Variants in ABCD3 observed in about 807,000 individuals in gnomAD.
The protein encoded by ABCD3 is ATP-binding cassette sub-family D member 3.
A neutral mutation model predicts 105.5 loss-of-function variants in ABCD3; 41 were observed. The ratio of observed to expected loss-of-function variants is 0.39; its 90% CI spans 0.30 to 0.50. The LOEUF is 0.50. Ranked by LOEUF, ABCD3 falls within the 20% of genes least tolerant of loss-of-function variation. ABCD3 has a pLI of 0.84. For missense variants in ABCD3, 622 were observed against 806.3 expected, an observed-to-expected ratio of 0.77 and a Z score of 2.77; for synonymous variants, 258 against 269.0, an observed-to-expected ratio of 0.96 and a Z score of 0.40.
rs1025934327 is a variant in ABCD3, at chr1:94,517,502, A to G, written c.*373A>G. On this transcript the variant is annotated 3_prime_UTR_variant, in exon 23 of 23. Transcript: ENST00000370214. Reference sequence around the variant, plus strand: ...ATCTTTTCCTTCAGTGAAGAACCCTATTTAAAACTGGGTCATCATTTGTCC... The same window carrying G: ...ATCTTTTCCTTCAGTGAAGAACCCTGTTTAAAACTGGGTCATCATTTGTCC... 6 of 251,164 alleles carry G rather than the reference A, an allele frequency of 2.4e-5. No individual in the cohort carries two copies. Among genetic ancestry groups the G allele is most frequent in the African/African-American group, 1.4e-4 (6 of 42,988 alleles). The allele number at this position is 251,164 out of a possible 1,614,324, so 15.6% of individuals were successfully genotyped here.
At chr1:94,419,268 G>A (rs974077559) in intron 1 of ABCD3, 1 of 985,206 alleles carries the variant, frequency 1.0e-6, no homozygotes, top group African/African-American at 1.7e-5. Flanking sequence ...GTCGGACTTA[G>A]AGGGAAATGT....
At chr1:94,435,200 G>GT (rs922989045) in intron 1 of ABCD3, among the ~76,000 whole-genome samples, 3 of 151,716 alleles carry the variant, frequency 2.0e-5, no homozygotes, top group Middle Eastern at 3.4e-3. Flanking sequence ...TTTGAGTTTT[G>GT]TTTTTTTTCC....
In ABCD3 at chr1:94,491,298, A is replaced by G. The variant is rs771455585; in HGVS notation, c.1386+51A>G. The G allele has an allele frequency of 1.1e-5, 14 of 1,329,324 alleles. No homozygotes were observed. In the South Asian group the frequency reaches 1.7e-4, roughly 16 times the overall value. The allele number at this position is 1,329,324 out of a possible 1,614,324, so 82.3% of individuals were successfully genotyped here. On this transcript the variant is annotated intron_variant, in intron 16 of 22. Transcript: ENST00000370214. Reference sequence around the variant, plus strand: ...AGCTTAAATCATCTTTAAAATGTGAACTGAAAAAGATTACCTGAATATTTA... The same window carrying G: ...AGCTTAAATCATCTTTAAAATGTGAGCTGAAAAAGATTACCTGAATATTTA...
chr1:94,483,691 T>C (rs1209358508), intron 10 of ABCD3, among the ~76,000 whole-genome samples: 1 of 152,094 alleles, frequency 6.6e-6, no homozygotes, highest in African/African-American at 2.4e-5. Flanking sequence ...ATAAAAACCC[T>C]AGAAGAAAAC....
chr1:94,415,748 T>C (rs920442018), upstream of ABCD3, among the ~76,000 whole-genome samples: 5 of 152,240 alleles, frequency 3.3e-5, no homozygotes, highest in Non-Finnish European at 5.9e-5. Flanking sequence ...AGGTTTGATA[T>C]TACATACAGA....
chr1:94,458,564 T>C, intron 1 of ABCD3, 43 bp from the exon 2 acceptor site: 2 of 1,565,938 alleles, frequency 1.3e-6, no homozygotes, highest in Non-Finnish European at 1.8e-6. Flanking sequence ...GATAACACTT[T>C]TCACATAAAG....
At chr1:94,451,934 A>T (rs2100941294) in intron 1 of ABCD3, among the ~76,000 whole-genome samples, 1 of 152,292 alleles carries the variant, frequency 6.6e-6, no homozygotes, top group Non-Finnish European at 1.5e-5. Flanking sequence ...GTTAGTTCCC[A>T]ACTCTTATTT....
chr1:94,389,475 G>A, the ABCD3 span, among the ~76,000 whole-genome samples: 1 of 152,228 alleles, frequency 6.6e-6, no homozygotes, highest in Non-Finnish European at 1.5e-5. Flanking sequence ...GTGCCTTGAG[G>A]ACATGTTCCT....
At chr1:94,516,719 T>C (rs550548096) in intron 22 of ABCD3, among the ~76,000 whole-genome samples, 2 of 152,046 alleles carry the variant, frequency 1.3e-5, no homozygotes, top group East Asian at 3.9e-4. Flanking sequence ...CTTCAGAGGT[T>C]AGGATATATC....
intron 21 of ABCD3, among the ~76,000 whole-genome samples, chr1:94,509,898 T>TG (rs1196663427): frequency 3.3e-5 from 5 of 152,168 alleles, no homozygotes; most frequent in Non-Finnish European, 5.9e-5. Context: ...TTATTAGTCT[T>TG]GCTAGCAGTC....
chr1:94,494,728 C>A (rs1411597733), intron 16 of ABCD3, among the ~76,000 whole-genome samples: 1 of 152,140 alleles, frequency 6.6e-6, no homozygotes, highest in Non-Finnish European at 1.5e-5. Flanking sequence ...TATAAACTCC[C>A]CAGTACAGAC....
intron 1 of ABCD3, among the ~76,000 whole-genome samples, chr1:94,452,593 G>A (rs1647309971): frequency 6.6e-6 from 1 of 152,116 alleles, no homozygotes; most frequent in African/African-American, 2.4e-5. Context: ...TTAATGATAA[G>A]GTATTTATCT....
At chr1:94,486,313 TC>T (rs1406201901) in intron 10 of ABCD3, among the ~76,000 whole-genome samples, 1 of 152,202 alleles carries the variant, frequency 6.6e-6, no homozygotes, top group African/African-American at 2.4e-5. Flanking sequence ...ACCAATCCCA[TC>T]CCCTTTGGAT....
chr1:94,486,220 G>A (rs1047731891), intron 10 of ABCD3, among the ~76,000 whole-genome samples: 14 of 152,028 alleles, frequency 9.2e-5, no homozygotes, highest in African/African-American at 1.7e-4. Context: ...ATGGGATGTC[G>A]TACTCAGGTA....
intron 20 of ABCD3, among the ~76,000 whole-genome samples, chr1:94,502,714 G>C (rs1369160522): frequency 6.6e-6 from 1 of 151,992 alleles, no homozygotes; most frequent in East Asian, 1.9e-4. Flanking sequence ...TGGCCAGGCT[G>C]GTCTCGAGCT....
chr1:94,424,624 C>G (rs1659395272), intron 1 of ABCD3, among the ~76,000 whole-genome samples: 1 of 151,998 alleles, frequency 6.6e-6, no homozygotes, highest in South Asian at 2.1e-4. Context: ...GTTATGTTGC[C>G]CAGGCTGGTC....
At chr1:94,481,384 T>A (rs1649020307) in intron 9 of ABCD3, 1 of 152,152 alleles carries the variant, frequency 6.6e-6, no homozygotes, top group South Asian at 2.1e-4. Context: ...ATAGTACAAG[T>A]TTTAAATAGG....
chr1:94,483,409 TA>T (rs1297616982), intron 10 of ABCD3, among the ~76,000 whole-genome samples, 170 bp downstream of exon 10: 7 of 152,118 alleles, frequency 4.6e-5, no homozygotes, highest in African/African-American at 1.7e-4. Context: ...GCATTTTTAA[TA>T]AAAAATATGA....
intron 1 of ABCD3, among the ~76,000 whole-genome samples, chr1:94,443,630 G>A (rs548506740): frequency 3.3e-5 from 5 of 152,146 alleles, no homozygotes; most frequent in Non-Finnish European, 7.4e-5. Flanking sequence ...CTTACGATAA[G>A]GTCATTAATC....
Sources: allele counts gnomAD v4.1 joint callset (sites outside exome capture counted in the v4.1 genomes callset), GRCh38; gene constraint gnomAD v4.1.1; transcripts MANE v1.5; gene names NCBI Gene and HGNC (gene_info 2026-07-23, HGNC 2026-07-21).